The following TAFA5 variants were observed in gnomAD, a reference collection of about 807,000 sequenced individuals.
TAFA5 encodes chemokine-like protein TAFA-5.
A neutral mutation model predicts 15.3 loss-of-function variants in TAFA5; 6 were observed. The observed-to-expected ratio is 0.39, with a 90% CI of 0.21 to 0.77. TAFA5 has a LOEUF of 0.77. Among genes scored for constraint, TAFA5 ranks in the 30% least tolerant of loss-of-function variants. TAFA5 has a pLI of 0.41. For missense variants in TAFA5, 161 were observed against 193.1 expected (o/e 0.83, Z 0.98); for synonymous variants, 103 against 80.7 (o/e 1.28, Z -1.48).
intron 2 of TAFA5, among the ~76,000 whole-genome samples, chr22:48,688,378 G>A (rs1394474477): frequency 6.6e-6 from 1 of 152,204 alleles, no homozygotes; most frequent in Non-Finnish European, 1.5e-5. Context: ...ATGTAATCTG[G>A]GTTTTGCAGA....
At chr22:48,690,649 C>A (rs1236306133) in intron 2 of TAFA5, among the ~76,000 whole-genome samples, 5 of 152,194 alleles carry the variant, frequency 3.3e-5, no homozygotes, top group African/African-American at 1.2e-4. Flanking sequence ...GGGAGCCCTC[C>A]TGGCTGCCCT....
chr22:48,658,570 A>G (rs1927327855), intron 2 of TAFA5, among the ~76,000 whole-genome samples: 2 of 152,192 alleles, frequency 1.3e-5, no homozygotes, highest in East Asian at 3.9e-4. Flanking sequence ...TGAAGGTTAT[A>G]TGGATCACCC....
rs186147294 is a variant in TAFA5 at position 48,708,708 on chromosome 22, G to A, written c.390+864G>A. On this transcript the variant is annotated intron_variant, in intron 3 of 3. Coordinates refer to ENST00000402357, the MANE Select transcript of TAFA5 (RefSeq NM_001082967.3). ...GAGTGGGTGAGCGTTTCCCTAACACGGATCCGGGCTCCACGCTCTGGGAAT... is the reference window on the plus strand; with the variant it reads ...GAGTGGGTGAGCGTTTCCCTAACACAGATCCGGGCTCCACGCTCTGGGAAT... Among the ~76,000 whole-genome samples, 406 of 152,340 alleles carry A rather than the reference G, an allele frequency of 2.7e-3. 1 individual carries two copies. Among genetic ancestry groups the A allele is most frequent in the Non-Finnish European group, 5.1e-3 (346 of 68,032 alleles).
chr22:48,714,687 CA>C (rs1929350600), intron 3 of TAFA5, among the ~76,000 whole-genome samples: 1 of 152,250 alleles, frequency 6.6e-6, no homozygotes, highest in African/African-American at 2.4e-5. Context: ...AGTCAAGAGA[CA>C]GGAGGCTTCT....
chr22:48,595,900 A>G (rs1310527299), intron 1 of TAFA5, among the ~76,000 whole-genome samples: 1 of 152,280 alleles, frequency 6.6e-6, no homozygotes, highest in Non-Finnish European at 1.5e-5. Flanking sequence ...ATCTGTAAGT[A>G]TGATAATACA....
At chr22:48,520,563 A>G (rs1423870792) in intron 1 of TAFA5, among the ~76,000 whole-genome samples, 1 of 152,178 alleles carries the variant, frequency 6.6e-6, no homozygotes. Flanking sequence ...TTGGGGATGG[A>G]GAGTCAGAAT....
In TAFA5 at chr22:48,742,326, G is replaced by A. The variant is rs944265261; in HGVS notation, c.391-7513G>A. 1.3e-5 allele frequency among the ~76,000 whole-genome samples: 2 copies of A among 152,240 alleles called. No homozygotes were observed. The highest frequency in any genetic ancestry group is 2.9e-5 in the Non-Finnish European group (2 of 68,046). On this transcript the variant is annotated intron_variant, in intron 3 of 3. Transcript: ENST00000402357. The surrounding 1 kb of genome is among the most constrained non-coding windows in gnomAD (Gnocchi z 6.2). ...ACTGACCCCCACGAGGATGGTCCTG[G>A]TGTTGAGAAACCTGCTTCACAGCGG... is the stretch of plus-strand genomic sequence containing the variant.
At chr22:48,654,807 C>G (rs947240344) in intron 2 of TAFA5, among the ~76,000 whole-genome samples, 1 of 152,182 alleles carries the variant, frequency 6.6e-6, no homozygotes. Context: ...CACTCTGCAG[C>G]CTCCCAGGCA....
In TAFA5 at chr22:48,749,960, A is replaced by G. The variant is rs935756480; in HGVS notation, c.*113A>G. 9.5e-6 allele frequency: 10 copies of G among 1,052,950 alleles called. No individual in the cohort carries two copies. The African/African-American group carries it at 1.4e-4, about 15-fold the overall frequency. The allele number at this position is 1,052,950 out of a possible 1,614,324, so 65.2% of individuals were successfully genotyped here. On this transcript the variant is annotated 3_prime_UTR_variant, in exon 4 of 4. Coordinates refer to ENST00000402357, the MANE Select transcript of TAFA5 (RefSeq NM_001082967.3). ...TTCACCCGTTCTCTGCCGCCCGCCCACTCCGTTTCCCTGTGGTCCGTGAAG... is the reference window on the plus strand; with the variant it reads ...TTCACCCGTTCTCTGCCGCCCGCCCGCTCCGTTTCCCTGTGGTCCGTGAAG...
At chr22:48,541,501 AG>A (rs1313205559) in intron 1 of TAFA5, among the ~76,000 whole-genome samples, 4 of 152,210 alleles carry the variant, frequency 2.6e-5, no homozygotes, top group African/African-American at 9.6e-5. Flanking sequence ...GACAACTCAC[AG>A]TTCAGCCTCG....
At chr22:48,733,595 T>C (rs1360188425) in intron 3 of TAFA5, among the ~76,000 whole-genome samples, 1 of 152,216 alleles carries the variant, frequency 6.6e-6, no homozygotes, top group East Asian at 1.9e-4. Flanking sequence ...ACTCTAGAGA[T>C]TGGCTGAAAT....
At chr22:48,689,248 AGT>A (rs2147236601) in intron 2 of TAFA5, among the ~76,000 whole-genome samples, 1 of 152,092 alleles carries the variant, frequency 6.6e-6, no homozygotes, top group South Asian at 2.1e-4. Flanking sequence ...TGCAGCGGGG[AGT>A]GTGGAGCAGA....
At position 48,742,815 on chromosome 22, in the gene TAFA5, G is replaced by A. The variant is rs1319902501; in HGVS notation, c.391-7024G>A. Among the ~76,000 whole-genome samples the A allele has an allele frequency of 6.6e-6, 1 of 152,194 alleles. No homozygotes were observed. The highest frequency in any genetic ancestry group is 2.4e-5 in the African/African-American group (1 of 41,456). On this transcript the variant is annotated intron_variant, in intron 3 of 3. Coordinates refer to ENST00000402357, the MANE Select transcript of TAFA5 (RefSeq NM_001082967.3). This position sits in a 1 kb window ranked among gnomAD's most constrained non-coding sequence, Gnocchi z 6.2. ...ATGGCCTGGGGTGCTCAGCGGGGCT[G>A]AGTCCCCAGCTGGGAGCTCAGGTGC... is the stretch of plus-strand genomic sequence containing the variant.
intron 1 of TAFA5, among the ~76,000 whole-genome samples, chr22:48,525,769 C>T (rs1921760762): frequency 1.3e-5 from 2 of 152,224 alleles, no homozygotes; most frequent in South Asian, 2.1e-4. Flanking sequence ...GCCTCCAGGC[C>T]CCTGCAGAGG....
At chr22:48,705,657 A>C (rs1018430770) in intron 2 of TAFA5, among the ~76,000 whole-genome samples, 1 of 152,260 alleles carries the variant, frequency 6.6e-6, no homozygotes, top group Non-Finnish European at 1.5e-5. Flanking sequence ...TCAGAATTTC[A>C]AGACTTGGGA....
intron 2 of TAFA5, among the ~76,000 whole-genome samples, chr22:48,683,190 C>G (rs1449733406): frequency 6.6e-6 from 1 of 152,136 alleles, no homozygotes; most frequent in Non-Finnish European, 1.5e-5. Context: ...CACACACAGA[C>G]ACACACACAC....
At chr22:48,663,032 A>T (rs1178940760) in intron 2 of TAFA5, among the ~76,000 whole-genome samples, 1 of 152,214 alleles carries the variant, frequency 6.6e-6, no homozygotes, top group African/African-American at 2.4e-5. Flanking sequence ...CGGGAGCTGC[A>T]GGAGGGACGT....
intron 1 of TAFA5, among the ~76,000 whole-genome samples, chr22:48,591,500 GCTGGGAGTTT>G (rs949547258): frequency 7.2e-5 from 11 of 152,380 alleles, no homozygotes; most frequent in East Asian, 3.9e-4. Flanking sequence ...GACAGAGGCA[GCTGGGAGTTT>G]CTGGGAGTTT....
chr22:48,587,442 T>TGTG (rs1024910176), intron 1 of TAFA5, among the ~76,000 whole-genome samples: 61 of 152,104 alleles, frequency 4.0e-4, no homozygotes, highest in African/African-American at 1.4e-3. Flanking sequence ...GCAGTCCAGG[T>TGTG]GTGGGCTGCA....
Sources: gnomAD v4.1 joint callset for allele counts (sites outside exome capture counted in the v4.1 genomes callset) on GRCh38, gnomAD v4.1.1 for gene constraint, Gnocchi (gnomAD v3.1) non-coding constraint, MANE v1.5 for transcripts, NCBI Gene and HGNC (gene_info 2026-07-23, HGNC 2026-07-21) for gene names.